Variants in GMDS observed in about 807,000 individuals in gnomAD.
GMDS encodes the protein GDP-mannose 4,6 dehydratase.
Under a neutral mutation model 49.9 loss-of-function variants are expected in GMDS, and 20 were observed. The ratio of observed to expected loss-of-function variants is 0.40; its 90% CI spans 0.28 to 0.58. The LOEUF (loss-of-function observed/expected upper bound fraction) is 0.58. Among genes scored for constraint, GMDS ranks in the 20% least tolerant of loss-of-function variants. The pLI is 0.42. For synonymous variants in GMDS, 177 were observed against 178.6 expected, an observed-to-expected ratio of 0.99 and a Z score of 0.07; for missense variants, 362 against 481.4, an observed-to-expected ratio of 0.75 and a Z score of 2.32.
chr6:1,670,827 G>A (rs1486670777), intron 9 of GMDS, among the ~76,000 whole-genome samples: 1 of 152,174 alleles, frequency 6.6e-6, no homozygotes, highest in Admixed American at 6.5e-5. Flanking sequence ...CCTCGGGTAA[G>A]TACCTAGTAC....
chr6:1,866,394 A>T (rs1298789139), intron 7 of GMDS, among the ~76,000 whole-genome samples: 1 of 152,206 alleles, frequency 6.6e-6, no homozygotes, highest in Non-Finnish European at 1.5e-5. Context: ...CAGAGGGGAA[A>T]AAAGGCTTAA....
chr6:2,041,817 G>A (rs1769702096), intron 4 of GMDS, among the ~76,000 whole-genome samples: 2 of 152,316 alleles, frequency 1.3e-5, no homozygotes, highest in Non-Finnish European at 1.5e-5. Context: ...AAAAATGGTA[G>A]AAAGTCTATT....
intron 9 of GMDS, among the ~76,000 whole-genome samples, chr6:1,630,263 G>A (rs1335772330): frequency 6.6e-6 from 1 of 152,254 alleles, no homozygotes; most frequent in Non-Finnish European, 1.5e-5. Context: ...ACATGCTGGA[G>A]ATGTGTGGAG....
At chr6:2,197,402 AG>A (rs1779321175) in intron 1 of GMDS, among the ~76,000 whole-genome samples, 1 of 152,210 alleles carries the variant, frequency 6.6e-6, no homozygotes. Context: ...AGATAGTTTC[AG>A]GGAAAGACCA....
chr6:1,696,869 AT>A (rs1179887015), intron 9 of GMDS, among the ~76,000 whole-genome samples: 39 of 152,336 alleles, frequency 2.6e-4, no homozygotes, highest in Non-Finnish European at 2.8e-4. Flanking sequence ...TTGGAGTCAC[AT>A]GGTAAAACAA....
At chr6:1,684,747 A>G (rs9378304) in intron 9 of GMDS, among the ~76,000 whole-genome samples, 53,835 of 152,000 alleles carry the variant, frequency 0.35, 9,826 homozygotes, top group East Asian at 0.49. Flanking sequence ...ATGGTTACAC[A>G]ACTGTATATG....
intron 7 of GMDS, among the ~76,000 whole-genome samples, chr6:1,847,484 T>A (rs1230348467): frequency 6.6e-6 from 1 of 152,198 alleles, no homozygotes; most frequent in Non-Finnish European, 1.5e-5. Flanking sequence ...GGAGCGGTTT[T>A]AAATACCATC....
intron 4 of GMDS, among the ~76,000 whole-genome samples, chr6:2,066,466 G>C (rs1235994451): frequency 6.6e-6 from 1 of 150,960 alleles, no homozygotes; most frequent in Non-Finnish European, 1.5e-5. Context: ...AAAAGACACA[G>C]ACTGGCAAAT....
intron 7 of GMDS, among the ~76,000 whole-genome samples, chr6:1,804,373 A>C (rs1247329219): frequency 6.6e-6 from 1 of 152,256 alleles, no homozygotes; most frequent in Non-Finnish European, 1.5e-5. Context: ...CAGCGGGCAG[A>C]TGCCCATGTG....
Position 2,191,315 on chromosome 6 carries a change from G to A in GMDS, c.102+54006C>T, listed in dbSNP as rs1002393662. Among the ~76,000 whole-genome samples, 1 of 152,116 alleles carries A rather than the reference G, an allele frequency of 6.6e-6. No homozygotes were observed. The highest frequency in any genetic ancestry group is 1.5e-5 in the Non-Finnish European group (1 of 67,974). ...CTGCCCCTGAGTGCGGGGGCCACGGGGGAGCTCACAGTGATGTCCCTGGAC... is the reference window on the plus strand; with the variant it reads ...CTGCCCCTGAGTGCGGGGGCCACGGAGGAGCTCACAGTGATGTCCCTGGAC... On this transcript the variant is annotated intron_variant, in intron 1 of 10. Coordinates refer to ENST00000380815, the MANE Select transcript of GMDS (RefSeq NM_001500.4). The surrounding 1 kb of genome is among the most constrained non-coding windows in gnomAD (Gnocchi z 4.6).
At chr6:1,813,244 A>C (rs1770519382) in intron 7 of GMDS, among the ~76,000 whole-genome samples, 2 of 151,294 alleles carry the variant, frequency 1.3e-5, no homozygotes, top group South Asian at 4.2e-4. Flanking sequence ...AAAAAAAAAA[A>C]AAAACCTTAA....
intron 4 of GMDS, among the ~76,000 whole-genome samples, chr6:2,113,920 T>C (rs1162804028): frequency 6.6e-6 from 1 of 152,002 alleles, no homozygotes; most frequent in African/African-American, 2.4e-5. Flanking sequence ...GCAGCCAAAA[T>C]ACCATAAAAA....
chr6:1,705,006 AT>A (rs1329276403), intron 9 of GMDS, among the ~76,000 whole-genome samples: 1 of 152,196 alleles, frequency 6.6e-6, no homozygotes, highest in Non-Finnish European at 1.5e-5. Flanking sequence ...CAAGGTGGAA[AT>A]TTCCCACCTC....
chr6:2,153,761 A>T (rs1459115546), intron 1 of GMDS, among the ~76,000 whole-genome samples: 1 of 152,200 alleles, frequency 6.6e-6, no homozygotes, highest in Non-Finnish European at 1.5e-5. Context: ...CCTCTGACCC[A>T]GCAATTCCAA....
At chr6:2,136,145 AC>A (rs1775987964) in intron 1 of GMDS, among the ~76,000 whole-genome samples, 1 of 152,208 alleles carries the variant, frequency 6.6e-6, no homozygotes, top group African/African-American at 2.4e-5. Context: ...TTATGGGACT[AC>A]CATTGTGTAT....
intron 4 of GMDS, among the ~76,000 whole-genome samples, chr6:2,032,877 C>T (rs1769057443): frequency 6.6e-6 from 1 of 152,142 alleles, no homozygotes; most frequent in African/African-American, 2.4e-5. Flanking sequence ...TACTGATTTG[C>T]CATGTAACTT....
chr6:1,624,296 C>A (rs1326903848), intron 10 of GMDS, 65 bp from the exon 11 acceptor site: 17 of 1,458,236 alleles, frequency 1.2e-5, no homozygotes, highest in Non-Finnish European at 1.4e-5. Context: ...CACCCCACCC[C>A]GGGTGTCGGC....
chr6:2,241,404 T>C (rs984746490), intron 1 of GMDS, among the ~76,000 whole-genome samples: 13 of 152,146 alleles, frequency 8.5e-5, no homozygotes, highest in African/African-American at 3.1e-4. Flanking sequence ...AGAAAGATGA[T>C]TGTATTTTGC....
intron 7 of GMDS, among the ~76,000 whole-genome samples, chr6:1,922,246 T>G (rs927269522): frequency 5.9e-5 from 9 of 152,178 alleles, no homozygotes; most frequent in Non-Finnish European, 1.5e-5. Context: ...AGATCCCTGG[T>G]TTTTCCAGAC....
Sources: gnomAD v4.1 joint callset for allele counts (sites outside exome capture counted in the v4.1 genomes callset) on GRCh38, gnomAD v4.1.1 for gene constraint, Gnocchi (gnomAD v3.1) non-coding constraint, MANE v1.5 for transcripts, NCBI Gene and HGNC (gene_info 2026-07-23, HGNC 2026-07-21) for gene names.